INPP4B: variants seen among roughly 807,000 people sequenced by gnomAD.
INPP4B encodes inositol polyphosphate 4-phosphatase type II.
Under a neutral mutation model 122.5 loss-of-function variants are expected in INPP4B, and 55 were observed. That is an observed-to-expected ratio of 0.45 (90% CI 0.36 to 0.56). The LOEUF is 0.56. Among genes scored for constraint, INPP4B ranks in the 20% least tolerant of loss-of-function variants. INPP4B has a pLI of 0.00. For synonymous variants in INPP4B, 403 were observed against 388.7 expected (o/e 1.04, Z -0.43); for missense variants, 1,000 against 1,097.7 (o/e 0.91, Z 1.26).
At chr4:142,155,428 G>A (rs1425974555) in intron 17 of INPP4B, among the ~76,000 whole-genome samples, 2 of 152,084 alleles carry the variant, frequency 1.3e-5, no homozygotes, top group Non-Finnish European at 2.9e-5. Context: ...GATTTCCTAT[G>A]GAGATACCTG....
In INPP4B at chr4:142,502,305, C is replaced by A. The variant is rs781338786; in HGVS notation, c.-190-39579G>T. ...GACCCAGAGCTAACATTCTTTTCTG[C>A]TGAACCCAAATTTTTAGCCTTAGCC... is the stretch of plus-strand genomic sequence containing the variant. On this transcript the variant is annotated intron_variant, in intron 2 of 25. Transcript: ENST00000262992. Among the ~76,000 whole-genome samples, 174 of 152,246 alleles carry A rather than the reference C, an allele frequency of 1.1e-3. 1 individual carries two copies. The highest frequency in any genetic ancestry group is 0.01 in the Middle Eastern group (3 of 294).
chr4:142,322,118 T>C (rs140425808), intron 7 of INPP4B, among the ~76,000 whole-genome samples: 2 of 152,268 alleles, frequency 1.3e-5, no homozygotes, highest in African/African-American at 4.8e-5. Context: ...AAACATCTAA[T>C]AATAATTGCT....
chr4:142,318,555 C>T (rs947877442), intron 7 of INPP4B, among the ~76,000 whole-genome samples: 2 of 152,160 alleles, frequency 1.3e-5, no homozygotes, highest in African/African-American at 4.8e-5. Context: ...CCCTCCCTGT[C>T]CCTTCCTGGA....
chr4:142,612,997 CT>C (rs1436514899), intron 2 of INPP4B, among the ~76,000 whole-genome samples: 3 of 152,164 alleles, frequency 2.0e-5, no homozygotes, highest in African/African-American at 7.2e-5. Flanking sequence ...ATATAGAAAA[CT>C]TCCTCAAAGG....
intron 2 of INPP4B, among the ~76,000 whole-genome samples, chr4:142,706,006 C>G (rs1762426214): frequency 6.6e-6 from 1 of 152,196 alleles, no homozygotes; most frequent in Non-Finnish European, 1.5e-5. Context: ...AGGTGACTCA[C>G]CAGCTCCTTC....
At chr4:142,162,788 A>C (rs994900001) in intron 16 of INPP4B, among the ~76,000 whole-genome samples, 2 of 152,032 alleles carry the variant, frequency 1.3e-5, no homozygotes, top group African/African-American at 4.8e-5. Flanking sequence ...TTTAAAACCC[A>C]AAATTTTTTT....
At chr4:142,445,518 G>A (rs1028635298) in intron 3 of INPP4B, among the ~76,000 whole-genome samples, 2 of 152,108 alleles carry the variant, frequency 1.3e-5, no homozygotes, top group Non-Finnish European at 2.9e-5. Flanking sequence ...AAGACATTAC[G>A]ATCTTAAATG....
chr4:142,058,853 A>C (rs993264906), intron 25 of INPP4B, among the ~76,000 whole-genome samples: 8 of 152,142 alleles, frequency 5.3e-5, no homozygotes, highest in African/African-American at 1.7e-4. Context: ...GATAGTGTTT[A>C]CAACAATTGA....
chr4:142,548,332 C>A (rs745696227), intron 2 of INPP4B, among the ~76,000 whole-genome samples: 4 of 152,002 alleles, frequency 2.6e-5, no homozygotes, highest in Non-Finnish European at 5.9e-5. Context: ...AGTAATGGAA[C>A]AACAATGAAA....
At chr4:142,394,989 T>C (rs1030842479) in intron 7 of INPP4B, among the ~76,000 whole-genome samples, 9 of 152,232 alleles carry the variant, frequency 5.9e-5, no homozygotes, top group African/African-American at 2.2e-4. Flanking sequence ...CTTCCGTTTC[T>C]ACCATCAAAA....
intron 2 of INPP4B, among the ~76,000 whole-genome samples, chr4:142,659,946 G>T (rs1230082851): frequency 2.6e-5 from 4 of 151,304 alleles, no homozygotes; most frequent in African/African-American, 9.7e-5. Flanking sequence ...AAAGCCCTAG[G>T]AAGGAAAACT....
intron 2 of INPP4B, among the ~76,000 whole-genome samples, chr4:142,619,335 C>G (rs1485791621): frequency 6.6e-6 from 1 of 152,136 alleles, no homozygotes; most frequent in South Asian, 2.1e-4. Flanking sequence ...TGGAAACAAC[C>G]TACATGTCTA....
chr4:142,464,442 GTC>G (rs1198557145), intron 2 of INPP4B, among the ~76,000 whole-genome samples: 1 of 151,858 alleles, frequency 6.6e-6, no homozygotes, highest in Non-Finnish European at 1.5e-5. Flanking sequence ...ATTATCATAT[GTC>G]TCTCATCATT....
At chr4:142,322,652 A>AT (rs568673290) in intron 7 of INPP4B, among the ~76,000 whole-genome samples, 2 of 152,198 alleles carry the variant, frequency 1.3e-5, no homozygotes, top group Non-Finnish European at 2.9e-5. Flanking sequence ...CCATATGCTG[A>AT]TTTTTACCAG....
At chr4:142,135,921 T>G (rs1424082492) in intron 18 of INPP4B, among the ~76,000 whole-genome samples, 1 of 152,150 alleles carries the variant, frequency 6.6e-6, no homozygotes, top group South Asian at 2.1e-4. Flanking sequence ...CTCAGCCTCC[T>G]GAGTATCTGG....
intron 7 of INPP4B, among the ~76,000 whole-genome samples, chr4:142,373,528 G>T (rs1790688876): frequency 6.6e-6 from 1 of 151,920 alleles, no homozygotes; most frequent in Non-Finnish European, 1.5e-5. Context: ...CTACTTCATA[G>T]ATTTGTGACT....
intron 1 of INPP4B, among the ~76,000 whole-genome samples, chr4:142,726,190 G>A (rs746404740): frequency 3.9e-5 from 6 of 152,096 alleles, no homozygotes; most frequent in Non-Finnish European, 5.9e-5. Context: ...ACTGGCACTC[G>A]AGCAAGAAAA....
intron 25 of INPP4B, among the ~76,000 whole-genome samples, chr4:142,065,463 C>T (rs1342780622): frequency 1.3e-5 from 2 of 152,122 alleles, no homozygotes; most frequent in African/African-American, 4.8e-5. Flanking sequence ...GGGAATCATT[C>T]ATTAGCTGAA....
intron 2 of INPP4B, among the ~76,000 whole-genome samples, chr4:142,669,482 C>A (rs1756669013): frequency 6.6e-6 from 1 of 151,978 alleles, no homozygotes; most frequent in Admixed American, 6.6e-5. Flanking sequence ...ACCAATGAAG[C>A]AGAAAGGAGA....
Sources: gnomAD v4.1 joint callset for allele counts (sites outside exome capture counted in the v4.1 genomes callset) on GRCh38, gnomAD v4.1.1 for gene constraint, MANE v1.5 for transcripts, NCBI Gene and HGNC (gene_info 2026-07-23, HGNC 2026-07-21) for gene names.